Variants in TCP11L1 observed in about 807,000 individuals in gnomAD.
TCP11L1 encodes t-complex 11 like 1, also known as T-complex protein 11-like protein 1.
Under a neutral mutation model 48.9 loss-of-function variants are expected in TCP11L1, and 28 were observed. That is an observed-to-expected ratio of 0.57 (90% CI 0.42 to 0.78). TCP11L1 has a LOEUF of 0.78. Ranked by LOEUF, TCP11L1 falls within the 30% of genes least tolerant of loss-of-function variation. TCP11L1 has a pLI of 0.00. For synonymous variants in TCP11L1, 204 were observed against 231.9 expected (o/e 0.88, Z 1.09); for missense variants, 505 against 613.4 (o/e 0.82, Z 1.87).
chr11:33,062,271 C>T (rs375400999), intron 7 of TCP11L1, among the ~76,000 whole-genome samples: 2 of 152,050 alleles, frequency 1.3e-5, no homozygotes, highest in African/African-American at 4.8e-5. Flanking sequence ...CCAATAGAAA[C>T]GCTGCATCCA....
At chr11:33,069,256 T>C (rs1047586401) in intron 9 of TCP11L1, among the ~76,000 whole-genome samples, 4 of 152,146 alleles carry the variant, frequency 2.6e-5, no homozygotes, top group African/African-American at 4.8e-5. Flanking sequence ...GCTCAGTAAA[T>C]AGGAGCTGTT....
chr11:33,057,919 A>C lies in TCP11L1; in HGVS notation c.418A>C (p.Thr140Pro), dbSNP rs776897858. ...TAAACGTAGCTGTGTTCTCTTGTAG[A>C]CTCTCTTATCTTTCTTGCTGCCTGG... The part of the protein sequence containing the change: ...AIKLVGEIKE[T>P]LLSFLLPGHT... Residue 140 changes from threonine to proline, a missense_variant and splice_region_variant, in exon 5 of 10, where the codon ACT becomes CCT. This residue lies in a region of TCP11L1 where 168 missense variants were observed against 183.5 expected (regional missense o/e 0.92). Transcript: ENST00000334274. 1.9e-6 allele frequency: 3 copies of C among 1,610,466 alleles called. No homozygotes were observed. The highest frequency in any genetic ancestry group is 2.5e-6 in the Non-Finnish European group (3 of 1,179,132).
At chr11:33,064,214 A>G (rs936714928) in intron 7 of TCP11L1, among the ~76,000 whole-genome samples, 1 of 152,076 alleles carries the variant, frequency 6.6e-6, no homozygotes, top group African/African-American at 2.4e-5. Context: ...ACAGCTGTCT[A>G]CTCCAGGAAT....
chr11:33,072,445 A>G (rs746616636), intron 9 of TCP11L1, 29 bp from the exon 10 acceptor site: 7 of 1,612,888 alleles, frequency 4.3e-6, no homozygotes, highest in Non-Finnish European at 8.5e-7. Context: ...AGGACAAGAA[A>G]CAACTGACCA....
At chr11:33,040,774 C>T (rs1853808360) in intron 1 of TCP11L1, 1 of 53,638 alleles carries the variant, frequency 1.9e-5, no homozygotes, top group Non-Finnish European at 4.1e-5. Flanking sequence ...ACCTCCTCTC[C>T]CCCTCCTCTC....
intron 1 of TCP11L1, chr11:33,041,371 C>T (rs1227457540): frequency 6.6e-6 from 1 of 152,204 alleles, no homozygotes; most frequent in African/African-American, 2.4e-5. Context: ...GGATTTAGGA[C>T]ACAGAGGAGA....
At chr11:33,052,879 G>A (rs1325611162) in intron 2 of TCP11L1, among the ~76,000 whole-genome samples, 3 of 152,102 alleles carry the variant, frequency 2.0e-5, no homozygotes, top group African/African-American at 7.2e-5. Context: ...TGTAGTCCTG[G>A]CTACTTGGGA....
rs184594808 is a variant in TCP11L1, at chr11:33,044,350, G to A, written c.163+414G>A. On this transcript the variant is annotated intron_variant, in intron 2 of 9. Coordinates refer to ENST00000334274, the MANE Select transcript of TCP11L1 (RefSeq NM_018393.4). Reference sequence around the variant, plus strand: ...CCACACCCTAATTCTCTGCCTGGGGGCTTAGTTCCCACAAGCTTGAGGGGA... The same window carrying A: ...CCACACCCTAATTCTCTGCCTGGGGACTTAGTTCCCACAAGCTTGAGGGGA... 1.4e-3 allele frequency among the ~76,000 whole-genome samples: 219 copies of A among 152,278 alleles called. 1 individual carries two copies. Among genetic ancestry groups the A allele is most frequent in the African/African-American group, 5.1e-3 (210 of 41,570 alleles).
In TCP11L1 at chr11:33,068,744, G is replaced by A; in HGVS notation, c.1212G>A (p.Val404=). The change falls in exon 9 of 10, where the codon GTG becomes GTA. Residue 404 remains valine, a synonymous_variant. Coordinates refer to ENST00000334274, the MANE Select transcript of TCP11L1 (RefSeq NM_018393.4). ...TTIGEKVCLE[V]SSCLSLCGSS... The stretch of plus-strand genomic sequence containing the variant: ...TCGGGGAGAAGGTGTGCCTGGAGGT[G>A]AGCAGCTGCCTCTCCCTGTGTGGGT... 6.2e-7 allele frequency: 1 copy of A among 1,614,184 alleles called. No individual in the cohort carries two copies. Among genetic ancestry groups the A allele is most frequent in the Non-Finnish European group, 8.5e-7 (1 of 1,180,040 alleles).
intron 3 of TCP11L1, among the ~76,000 whole-genome samples, chr11:33,055,849 G>A (rs918981226): frequency 1.3e-5 from 2 of 152,126 alleles, no homozygotes; most frequent in African/African-American, 4.8e-5. Context: ...ATGGAGTGTC[G>A]CTCTGTCGCC....
At chr11:33,057,031 C>G in intron 3 of TCP11L1, 84 bp from the exon 4 acceptor site, 1 of 1,583,538 alleles carries the variant, frequency 6.3e-7, no homozygotes, top group Non-Finnish European at 8.6e-7. Context: ...TACCCTAAAC[C>G]CATAGTATTT....
chr11:33,057,985 C>T lies in TCP11L1; in HGVS notation c.484C>T (p.Leu162=). 1 of 1,614,058 alleles carries T rather than the reference C, an allele frequency of 6.2e-7. No homozygotes were observed. The highest frequency in any genetic ancestry group is 1.3e-5 in the African/African-American group (1 of 75,020). Residue 162 remains leucine, a synonymous_variant, in exon 5 of 10, where the codon CTG becomes TTG. Transcript: ENST00000334274. ...LRNQITEVLD[L]DLIKQEAENG... Reference sequence around the variant, plus strand: ...AAACCAGATAACAGAAGTCTTGGATCTGGATCTGATAAAGCAGGAAGCAGA... The same window carrying T: ...AAACCAGATAACAGAAGTCTTGGATTTGGATCTGATAAAGCAGGAAGCAGA...
intron 1 of TCP11L1, among the ~76,000 whole-genome samples, chr11:33,042,146 G>C (rs7125132): frequency 6.6e-6 from 1 of 151,800 alleles, no homozygotes; most frequent in African/African-American, 2.4e-5. Flanking sequence ...TTGTTTGTTT[G>C]TTTAGACAGA....
At chr11:33,059,418 A>G (rs1452670399) in intron 6 of TCP11L1, among the ~76,000 whole-genome samples, 3 of 152,200 alleles carry the variant, frequency 2.0e-5, no homozygotes, top group Non-Finnish European at 4.4e-5. Flanking sequence ...GATTTTTGAA[A>G]ACATGACAGA....
chr11:33,068,657 A>T, intron 8 of TCP11L1, 30 bp from the exon 9 acceptor site: 1 of 1,608,444 alleles, frequency 6.2e-7, no homozygotes, highest in Non-Finnish European at 8.5e-7. Context: ...TATTTTACTT[A>T]TAGGCCCTTT....
In TCP11L1 at chr11:33,059,008, G is replaced by C; in HGVS notation, c.688G>C (p.Ala230Pro). 4.3e-6 allele frequency: 7 copies of C among 1,614,156 alleles called. No homozygotes were observed. Among genetic ancestry groups the C allele is most frequent in the Non-Finnish European group, 5.9e-6 (7 of 1,180,010 alleles). ...AATGAAAGTGGACATGGCCAACTTT[G>C]CTATCAGTAGCATCAGGCCTCATCT... ...DLMKVDMANF[A>P]ISSIRPHLMQ... The change falls in exon 6 of 10, where the codon GCT (alanine) becomes CCT (proline). Residue 230 changes from alanine to proline, a missense_variant. Ala to Pro is a conservative substitution (Grantham distance 27). This residue lies in a region of TCP11L1 where 335 missense variants were observed against 413.3 expected (regional missense o/e 0.81). Transcript: ENST00000334274.
intron 3 of TCP11L1, among the ~76,000 whole-genome samples, chr11:33,055,398 A>G (rs1854281954): frequency 1.3e-5 from 2 of 152,330 alleles, no homozygotes; most frequent in South Asian, 4.1e-4. Context: ...CTTCCTGGCA[A>G]GAGCAAAAAG....
chr11:33,061,409 G>A lies in TCP11L1; in HGVS notation c.776-121G>A, dbSNP rs1017733431. On this transcript the variant is annotated intron_variant, in intron 6 of 9. Coordinates refer to ENST00000334274, the MANE Select transcript of TCP11L1 (RefSeq NM_018393.4). The stretch of plus-strand genomic sequence containing the variant: ...CTATGATTTGATCCAAGTTTTATTT[G>A]ATTCCAAAGTTCATACTTTATACTT... 3.1e-5 allele frequency: 31 copies of A among 998,088 alleles called. No homozygotes were observed. The African/African-American group carries it at 4.9e-4, about 16-fold the overall frequency. The allele number at this position is 998,088 out of a possible 1,614,324, so 61.8% of individuals were successfully genotyped here.
At position 33,054,608 on chromosome 11, in the gene TCP11L1, T is replaced by C. The variant is rs748191790; in HGVS notation, c.179T>C (p.Phe60Ser). Residue 60 changes from phenylalanine (F) to serine (S), a missense_variant, in exon 3 of 10, where the codon TTT becomes TCT. This residue lies in a region of TCP11L1 where 168 missense variants were observed against 183.5 expected (regional missense o/e 0.92). Coordinates refer to ENST00000334274, the MANE Select transcript of TCP11L1 (RefSeq NM_018393.4). The part of the protein sequence containing the change: ...VQRPHSSPPR[F>S]VTVEELLETA... ...TCTGTTACAGCTAGTCCTCCTCGCTTTGTGACAGTAGAAGAACTTCTAGAG... is the reference window on the plus strand; with the variant it reads ...TCTGTTACAGCTAGTCCTCCTCGCTCTGTGACAGTAGAAGAACTTCTAGAG... 1.2e-5 allele frequency: 20 copies of C among 1,612,990 alleles called. No individual in the cohort carries two copies. The Admixed American group carries it at 1.8e-4, about 15-fold the overall frequency.
Sources: allele counts gnomAD v4.1 joint callset (sites outside exome capture counted in the v4.1 genomes callset), GRCh38; gene constraint gnomAD v4.1.1; regional missense constraint gnomAD v4.1.1; transcripts MANE v1.5; gene names NCBI Gene and HGNC (gene_info 2026-07-23, HGNC 2026-07-21).